The following DAB2IP variants were observed in gnomAD, a reference collection of about 807,000 sequenced individuals.
DAB2IP encodes the protein DAB2 interacting protein.
Under a neutral mutation model 107.2 loss-of-function variants are expected in DAB2IP, and 28 were observed. That is an observed-to-expected ratio of 0.26 (90% CI 0.19 to 0.36). The LOEUF (loss-of-function observed/expected upper bound fraction) is 0.36, where lower values mean the gene tolerates loss of function less well. DAB2IP is among the 10% of genes least tolerant of loss of function. The pLI, the probability that DAB2IP is intolerant of heterozygous loss-of-function variation, is 1.00. For synonymous variants in DAB2IP, 755 were observed against 706.4 expected (o/e 1.07, Z -1.09); for missense variants, 1,400 against 1,644.7 (o/e 0.85, Z 2.57).
chr9:121,747,390 C>A (rs1288875287), intron 3 of DAB2IP, among the ~76,000 whole-genome samples: 1 of 150,798 alleles, frequency 6.6e-6, no homozygotes, highest in Non-Finnish European at 1.5e-5. Flanking sequence ...CTCTGTCGCC[C>A]AGGCTGGAGT....
chr9:121,628,215 T>TC, intron 1 of DAB2IP, among the ~76,000 whole-genome samples: 1 of 152,230 alleles, frequency 6.6e-6, no homozygotes. Context: ...AGATGCTGGC[T>TC]CAGGGCTTCT....
intron 3 of DAB2IP, among the ~76,000 whole-genome samples, chr9:121,730,787 G>GT (rs1831489543): frequency 6.6e-6 from 1 of 152,196 alleles, no homozygotes; most frequent in African/African-American, 2.4e-5. Flanking sequence ...TTGCTCCTCT[G>GT]ATCCCACCTG....
chr9:121,680,003 A>G (rs1383541244), intron 2 of DAB2IP, among the ~76,000 whole-genome samples: 1 of 152,206 alleles, frequency 6.6e-6, no homozygotes, highest in African/African-American at 2.4e-5. Flanking sequence ...CACCACCTCA[A>G]GGAAGCCCTC....
At chr9:121,593,842 A>G (rs1460149089) in intron 1 of DAB2IP, among the ~76,000 whole-genome samples, 1 of 150,628 alleles carries the variant, frequency 6.6e-6, no homozygotes, top group Non-Finnish European at 1.5e-5. Flanking sequence ...TAATTTTTGT[A>G]TATTTATTAG....
At chr9:121,706,823 C>T (rs2118761764) in intron 3 of DAB2IP, among the ~76,000 whole-genome samples, 1 of 152,340 alleles carries the variant, frequency 6.6e-6, no homozygotes, top group South Asian at 2.1e-4. Flanking sequence ...TGGGCATGCA[C>T]ACATGCACGT....
intron 5 of DAB2IP, among the ~76,000 whole-genome samples, 168 bp from the exon 6 acceptor site, chr9:121,759,717 C>T (rs1211498650): frequency 6.6e-6 from 1 of 152,176 alleles, no homozygotes; most frequent in Admixed American, 6.5e-5. Flanking sequence ...AGAGATCCAG[C>T]CCTTGTCCAT....
chr9:121,583,016 C>A (rs7873694), intron 1 of DAB2IP, among the ~76,000 whole-genome samples: 2 of 152,302 alleles, frequency 1.3e-5, no homozygotes, highest in South Asian at 4.1e-4. Context: ...CAGTAACCAG[C>A]GAGCATTTGT....
At chr9:121,742,867 C>G (rs1832451682) in intron 3 of DAB2IP, 1 of 985,436 alleles carries the variant, frequency 1.0e-6, no homozygotes, top group Non-Finnish European at 1.2e-6. Flanking sequence ...TAGACCCGAC[C>G]CCACAGGGTT....
chr9:121,659,621 G>A (rs1044196135), intron 1 of DAB2IP, among the ~76,000 whole-genome samples: 2 of 151,948 alleles, frequency 1.3e-5, no homozygotes, highest in African/African-American at 2.4e-5. Context: ...GTGAAACCCC[G>A]TCTCTACTAA....
intron 1 of DAB2IP, among the ~76,000 whole-genome samples, chr9:121,581,276 C>T (rs1416836921): frequency 1.3e-5 from 2 of 152,160 alleles, no homozygotes; most frequent in Non-Finnish European, 2.9e-5. Flanking sequence ...GACTGGCTAC[C>T]TTCGCCAGAC....
chr9:121,716,737 G>A (rs901801951), intron 3 of DAB2IP, among the ~76,000 whole-genome samples: 2 of 152,126 alleles, frequency 1.3e-5, no homozygotes, highest in African/African-American at 4.8e-5. Context: ...CTGAGGCCCA[G>A]GAATGTGATG....
intron 1 of DAB2IP, among the ~76,000 whole-genome samples, chr9:121,628,473 G>A (rs754369724): frequency 6.6e-6 from 1 of 152,236 alleles, no homozygotes. Flanking sequence ...TATGGGTGTG[G>A]TGGTTGGAGG....
intron 3 of DAB2IP, among the ~76,000 whole-genome samples, chr9:121,722,669 CAT>C (rs1831006817): frequency 1.3e-5 from 2 of 151,948 alleles, no homozygotes; most frequent in Admixed American, 1.3e-4. Context: ...AAGTGTGGAT[CAT>C]AGGGGGAGTG....
At position 121,699,439 on chromosome 9, in the gene DAB2IP, G is replaced by T; in HGVS notation, c.343G>T (p.Ala115Ser). Residue 115 changes from alanine to serine, a missense_variant, in exon 3 of 16, where the codon GCC becomes TCC. Physicochemically the swap from Ala to Ser is moderately conservative, Grantham distance 99. This residue lies in a region of DAB2IP where 283 missense variants were observed against 237.0 expected (regional missense o/e 1.19). Transcript: ENST00000408936. This position sits in a 1 kb window ranked among gnomAD's most constrained non-coding sequence, Gnocchi z 6.2. ...GCCGGGGTTCCGGAGCGCCGCCGCC[G>T]CCGCCGCGGACAATGAGAGGTGAGC... The T allele has an allele frequency of 6.9e-7, 1 of 1,442,870 alleles. No individual in the cohort carries two copies. Among genetic ancestry groups the T allele is most frequent in the East Asian group, 3.2e-5 (1 of 31,742 alleles). 89.4% of individuals were successfully genotyped at this position (1,442,870 alleles called of 1,614,324 possible).
chr9:121,647,250 A>G (rs747346152), upstream of DAB2IP, among the ~76,000 whole-genome samples: 13 of 152,310 alleles, frequency 8.5e-5, no homozygotes, highest in East Asian at 3.9e-4. Flanking sequence ...TGGCCCATCA[A>G]TGAAGGCTGT....
At position 121,635,906 on chromosome 9, in the gene DAB2IP, TGG is replaced by T. The variant is rs34167414; in HGVS notation, c.41-42764_41-42763del. Among the ~76,000 whole-genome samples the T allele has an allele frequency of 0.1, 14,531 of 145,784 alleles. 955 individuals carry two copies. The highest frequency in any genetic ancestry group is 0.17 in the Admixed American group (2,543 of 14,552). On this transcript the variant is annotated intron_variant, in intron 1 of 16. Coordinates refer to the DAB2IP transcript ENST00000259371. The surrounding 1 kb of genome is among the most constrained non-coding windows in gnomAD (Gnocchi z 4.3). ...CAGTCCCCTGTTTAGATGTCTTTTTTGGGGGGGGGTCTGGGGGATGGAGTCTT... is the reference window on the plus strand; with the variant it reads ...CAGTCCCCTGTTTAGATGTCTTTTTTGGGGGGGTCTGGGGGATGGAGTCTT...
chr9:121,669,099 A>G (rs1833570951), intron 1 of DAB2IP, among the ~76,000 whole-genome samples: 1 of 151,896 alleles, frequency 6.6e-6, no homozygotes, highest in South Asian at 2.1e-4. Context: ...TATTTTTAGT[A>G]GAGACAGGGT....
intron 4 of DAB2IP, 26 bp downstream of exon 4, chr9:121,757,192 T>G (rs1460698289): frequency 1.2e-6 from 2 of 1,608,694 alleles, no homozygotes; most frequent in South Asian, 1.1e-5. Context: ...GGGGTTGGGG[T>G]GGACACCCCA....
chr9:121,605,161 A>G (rs906890376), intron 1 of DAB2IP, among the ~76,000 whole-genome samples: 3 of 152,050 alleles, frequency 2.0e-5, no homozygotes, highest in Non-Finnish European at 4.4e-5. Context: ...TTGGGACTAC[A>G]GGTGCTCGCC....
Sources: gnomAD v4.1 joint callset for allele counts (sites outside exome capture counted in the v4.1 genomes callset) on GRCh38, gnomAD v4.1.1 for gene constraint, gnomAD v4.1.1 regional missense constraint, Gnocchi (gnomAD v3.1) non-coding constraint, MANE v1.5 for transcripts, NCBI Gene and HGNC (gene_info 2026-07-23, HGNC 2026-07-21) for gene names.